Variants in CCDC50 observed in about 807,000 individuals in gnomAD.
CCDC50 encodes the protein coiled-coil domain containing 50.
CCDC50 carries 54 observed loss-of-function variants against 70.2 expected under a neutral mutation model. The observed-to-expected ratio is 0.77, with a 90% CI of 0.62 to 0.96. The LOEUF is 0.96. Ranked by LOEUF, CCDC50 falls within the 50% of genes least tolerant of loss-of-function variation. CCDC50 has a pLI of 0.00. For synonymous variants in CCDC50, 216 were observed against 198.8 expected (o/e 1.09, Z -0.73); for missense variants, 558 against 578.7 (o/e 0.96, Z 0.37).
intron 2 of CCDC50, among the ~76,000 whole-genome samples, chr3:191,357,391 T>C (rs1712328330): frequency 1.3e-5 from 2 of 152,174 alleles, no homozygotes; most frequent in Non-Finnish European, 2.9e-5. Context: ...AAAGAGAGGT[T>C]TGAACCTTTT....
rs947542257 is a variant in CCDC50, at chr3:191,347,889, A to G, written c.50-9199A>G. On this transcript the variant is annotated intron_variant, in intron 1 of 11. Coordinates refer to ENST00000392455, the MANE Select transcript of CCDC50 (RefSeq NM_178335.3). ...CATTTCGTGTTATGTCCTGTGCACT[A>G]GTCGTCATTGTTCTCAGGATCCATC... Among the ~76,000 whole-genome samples, 9 of 142,106 alleles carry G rather than the reference A, an allele frequency of 6.3e-5. 1 individual carries two copies. The Admixed American group carries it at 6.5e-4, about 10-fold the overall frequency. 93.2% of individuals were successfully genotyped at this position (142,106 alleles called of 152,430 possible).
rs1390253165 is a variant in CCDC50 at position 191,329,564 on chromosome 3, C to A, written c.-111C>A. 3.6e-6 allele frequency: 4 copies of A among 1,112,796 alleles called. No homozygotes were observed. Among genetic ancestry groups the A allele is most frequent in the Non-Finnish European group, 5.1e-6 (4 of 790,398 alleles). The allele number at this position is 1,112,796 out of a possible 1,614,324, so 68.9% of individuals were successfully genotyped here. ...CCGTTCTCCGGCCTGCGAGCCCTGC[C>A]GGCCGGACTTTGCGCCGCGTCCGGC... On this transcript the variant is annotated 5_prime_UTR_variant, in exon 1 of 12. Transcript: ENST00000392455.
intron 1 of CCDC50, among the ~76,000 whole-genome samples, chr3:191,340,073 ATCACTT>A (rs1215237884): frequency 6.6e-6 from 1 of 152,244 alleles, no homozygotes; most frequent in Non-Finnish European, 1.5e-5. Flanking sequence ...ACAAATGTCT[ATCACTT>A]ACACTAAATC....
chr3:191,365,864 T>G (rs1213528588), intron 4 of CCDC50, among the ~76,000 whole-genome samples: 3 of 152,184 alleles, frequency 2.0e-5, no homozygotes, highest in Non-Finnish European at 2.9e-5. Context: ...ATATAAATCA[T>G]ATACAGATTG....
At chr3:191,376,377 A>G (rs1419126450) in intron 6 of CCDC50, among the ~76,000 whole-genome samples, 1 of 152,158 alleles carries the variant, frequency 6.6e-6, no homozygotes, top group East Asian at 1.9e-4. Context: ...TATTATAGAT[A>G]AACCTCAAAT....
rs985207333 is a variant in CCDC50, at chr3:191,397,489, A to G, written c.*5729A>G. Reference sequence around the variant, plus strand: ...TATTGAGAAGATACACTGGGGAGATAGCATATAAAAATGATGCTCCAAAAT... The same window carrying G: ...TATTGAGAAGATACACTGGGGAGATGGCATATAAAAATGATGCTCCAAAAT... On this transcript the variant is annotated 3_prime_UTR_variant, in exon 12 of 12. Transcript: ENST00000392455. 3 of 152,216 alleles carry G rather than the reference A, an allele frequency of 2.0e-5. No individual in the cohort carries two copies. The highest frequency in any genetic ancestry group is 2.0e-4 in the Admixed American group (3 of 15,284). 9.4% of individuals were successfully genotyped at this position (152,216 alleles called of 1,614,324 possible).
chr3:191,330,295 AAACAC>A (rs1717926551), intron 1 of CCDC50: 1 of 106,212 alleles, frequency 9.4e-6, no homozygotes, highest in African/African-American at 4.5e-5. Flanking sequence ...CTTACAAACA[AAACAC>A]ACACACACAC....
At chr3:191,343,048 T>C (rs1711786226) in intron 1 of CCDC50, among the ~76,000 whole-genome samples, 1 of 152,142 alleles carries the variant, frequency 6.6e-6, no homozygotes, top group Non-Finnish European at 1.5e-5. Context: ...CAATCAAGTG[T>C]AGATCAGAAA....
intron 5 of CCDC50, among the ~76,000 whole-genome samples, chr3:191,373,031 G>A (rs527608586): frequency 5.3e-4 from 81 of 152,022 alleles, no homozygotes; most frequent in African/African-American, 1.8e-3. Flanking sequence ...TATTTTGAAA[G>A]CCAAACATGG....
At chr3:191,336,996 A>G (rs929237027) in intron 1 of CCDC50, among the ~76,000 whole-genome samples, 4 of 152,248 alleles carry the variant, frequency 2.6e-5, no homozygotes, top group African/African-American at 9.6e-5. Context: ...TGAAAATTGT[A>G]TGAAATTCAA....
chr3:191,330,331 TAGTG>T (rs921926694), intron 1 of CCDC50: 1 of 134,030 alleles, frequency 7.5e-6, no homozygotes, highest in African/African-American at 2.7e-5. Flanking sequence ...ACACACACAA[TAGTG>T]AGCGAGGGGA....
At chr3:191,382,011 A>G (rs917371803) in intron 9 of CCDC50, among the ~76,000 whole-genome samples, 3 of 152,282 alleles carry the variant, frequency 2.0e-5, no homozygotes, top group African/African-American at 7.2e-5. Flanking sequence ...TCTCTTAACT[A>G]ACTCAGTAAT....
intron 11 of CCDC50, among the ~76,000 whole-genome samples, chr3:191,391,327 AG>A (rs1288446028): frequency 6.6e-6 from 1 of 152,206 alleles, no homozygotes; most frequent in Non-Finnish European, 1.5e-5. Context: ...TGCATTTTTA[AG>A]AAGCTCCCCC....
intron 7 of CCDC50, 134 bp downstream of exon 7, chr3:191,380,408 A>G (rs1367146179): frequency 5.5e-6 from 4 of 732,402 alleles, no homozygotes; most frequent in Non-Finnish European, 9.8e-6. Flanking sequence ...AAATCATGAC[A>G]ATAGGAATAG....
At chr3:191,369,879 T>C (rs1324851380) in intron 4 of CCDC50, 40 bp from the exon 5 acceptor site, 2 of 1,438,830 alleles carry the variant, frequency 1.4e-6, no homozygotes, top group Non-Finnish European at 2.0e-6. Context: ...TTGTTTGTTC[T>C]TTGGTAATGT....
chr3:191,348,623 A>G (rs985616133), intron 1 of CCDC50, among the ~76,000 whole-genome samples: 2 of 142,078 alleles, frequency 1.4e-5, no homozygotes, highest in Non-Finnish European at 1.6e-5. Context: ...GTGGAATATC[A>G]TGGCATATTG....
At chr3:191,333,225 A>C (rs1560152924) in intron 1 of CCDC50, among the ~76,000 whole-genome samples, 1 of 152,212 alleles carries the variant, frequency 6.6e-6, no homozygotes, top group Non-Finnish European at 1.5e-5. Flanking sequence ...TTCTTTAGTG[A>C]AAGATACAAT....
chr3:191,332,409 G>T (rs1718021534), intron 1 of CCDC50, among the ~76,000 whole-genome samples: 1 of 152,172 alleles, frequency 6.6e-6, no homozygotes, highest in Non-Finnish European at 1.5e-5. Context: ...AGTCAACTAA[G>T]TGTCAACACA....
rs769627750 is a variant in CCDC50 at position 191,375,573 on chromosome 3, C to G, written c.960C>G (p.Leu320=). The change falls in exon 6 of 12, where the codon CTC becomes CTG. Residue 320 remains leucine (L), a synonymous_variant. Transcript: ENST00000392455. The part of the protein sequence containing the change: ...TPPFSESEEQ[L]HLHDAGMKPR... ...CATTCTCAGAGAGTGAGGAGCAGCT[C>G]CACCTCCATGACGCAGGTAATAGAG... The G allele has an allele frequency of 3.7e-6, 6 of 1,613,032 alleles. No homozygotes were observed. In the South Asian group the frequency reaches 6.6e-5, roughly 18 times the overall value.
Sources: allele counts gnomAD v4.1 joint callset (sites outside exome capture counted in the v4.1 genomes callset), GRCh38; gene constraint gnomAD v4.1.1; transcripts MANE v1.5; gene names NCBI Gene and HGNC (gene_info 2026-07-23, HGNC 2026-07-21).